ATP2B2: variants seen among roughly 807,000 people sequenced by gnomAD.
ATP2B2 encodes the protein ATPase plasma membrane Ca2+ transporting 2, also known as plasma membrane calcium-transporting ATPase 2.
In ATP2B2, 15 loss-of-function variants were observed where a neutral mutation model predicts 120.0. The observed-to-expected ratio is 0.12, with a 90% CI of 0.08 to 0.19. The LOEUF is 0.19. ATP2B2 is among the 10% of genes least tolerant of loss of function. The pLI, the probability that ATP2B2 is intolerant of heterozygous loss-of-function variation, is 1.00. For synonymous variants in ATP2B2, 694 were observed against 700.3 expected, an observed-to-expected ratio of 0.99 and a Z score of 0.14; for missense variants, 1,045 against 1,719.8, an observed-to-expected ratio of 0.61 and a Z score of 6.94.
chr3:10,586,601 G>C (rs952499145), intron 2 of ATP2B2, among the ~76,000 whole-genome samples: 6 of 152,182 alleles, frequency 3.9e-5, no homozygotes, highest in Non-Finnish European at 1.5e-5. Flanking sequence ...TTCCTCGAGA[G>C]AATCTTTGCT....
At chr3:10,384,854 C>T (rs911034201) in intron 8 of ATP2B2, among the ~76,000 whole-genome samples, 1 of 152,208 alleles carries the variant, frequency 6.6e-6, no homozygotes, top group African/African-American at 2.4e-5. Flanking sequence ...AGGACTAGAG[C>T]CTTTGCTGGG....
chr3:10,687,153 G>A (rs1340710882), intron 1 of ATP2B2, among the ~76,000 whole-genome samples: 1 of 152,206 alleles, frequency 6.6e-6, no homozygotes, highest in Non-Finnish European at 1.5e-5. Context: ...TTAAAGAGCA[G>A]GAGTTTGGGG....
intron 2 of ATP2B2, among the ~76,000 whole-genome samples, chr3:10,587,021 T>C (rs2068526115): frequency 6.6e-6 from 1 of 152,142 alleles, no homozygotes; most frequent in Non-Finnish European, 1.5e-5. Context: ...TATTGTGTTA[T>C]AAATATCATA....
At chr3:10,642,248 G>C (rs1045750533) in intron 1 of ATP2B2, among the ~76,000 whole-genome samples, 1 of 152,184 alleles carries the variant, frequency 6.6e-6, no homozygotes, top group African/African-American at 2.4e-5. Flanking sequence ...GTAGGGTTTC[G>C]AGGATTAGAA....
intron 1 of ATP2B2, among the ~76,000 whole-genome samples, chr3:10,459,999 C>G (rs1411220336): frequency 6.6e-6 from 1 of 152,242 alleles, no homozygotes; most frequent in Non-Finnish European, 1.5e-5. Flanking sequence ...CAGTGAGGCA[C>G]AGGGTTCTTC....
intron 1 of ATP2B2, among the ~76,000 whole-genome samples, chr3:10,471,424 GTGTGCA>G (rs1338873251): frequency 2.0e-5 from 3 of 151,914 alleles, no homozygotes; most frequent in Non-Finnish European, 2.9e-5. Flanking sequence ...GTGTGCGTGC[GTGTGCA>G]TGTGCAGATG....
intron 2 of ATP2B2, among the ~76,000 whole-genome samples, chr3:10,543,325 T>C (rs1303265138): frequency 6.6e-6 from 1 of 152,226 alleles, no homozygotes; most frequent in Non-Finnish European, 1.5e-5. Flanking sequence ...TTGTTGAGTT[T>C]GGGAGTGTAG....
Position 10,682,709 on chromosome 3 carries a change from AAC to A in ATP2B2, c.-460+25204_-460+25205del, listed in dbSNP as rs373511469. ...GGTCTAGGTGAATGGATCCAAGGCTAACACAAGAAACCCCCAAATCCTCCATA... is the reference window on the plus strand; with the variant it reads ...GGTCTAGGTGAATGGATCCAAGGCTAACAAGAAACCCCCAAATCCTCCATA... On this transcript the variant is annotated intron_variant, in intron 1 of 21. Transcript: ENST00000646379. 6.6e-5 allele frequency among the ~76,000 whole-genome samples: 10 copies of A among 152,304 alleles called. 1 individual carries two copies. Among genetic ancestry groups the A allele is most frequent in the African/African-American group, 2.4e-4 (10 of 41,564 alleles).
At chr3:10,460,290 C>T (rs2064433357) in intron 1 of ATP2B2, among the ~76,000 whole-genome samples, 1 of 152,166 alleles carries the variant, frequency 6.6e-6, no homozygotes, top group Admixed American at 6.5e-5. Flanking sequence ...CTGGGGAGGA[C>T]AAAGCTGGCA....
intron 2 of ATP2B2, among the ~76,000 whole-genome samples, chr3:10,577,025 C>T (rs549546713): frequency 1.6e-4 from 23 of 145,372 alleles, no homozygotes; most frequent in African/African-American, 6.1e-4. Context: ...GCACTCCAGC[C>T]TGGGTGACAG....
intron 2 of ATP2B2, among the ~76,000 whole-genome samples, chr3:10,587,287 A>G (rs542788264): frequency 5.6e-4 from 85 of 152,138 alleles, no homozygotes; most frequent in African/African-American, 2.0e-3. Context: ...CCTGGGTGAC[A>G]AAATGAGACC....
chr3:10,525,853 C>T (rs2067080407), intron 3 of ATP2B2, among the ~76,000 whole-genome samples: 1 of 152,114 alleles, frequency 6.6e-6, no homozygotes, highest in African/African-American at 2.4e-5. Context: ...CAATTTGCCA[C>T]AGTCCCCAGG....
At chr3:10,657,340 G>A (rs546528962) in intron 1 of ATP2B2, among the ~76,000 whole-genome samples, 13 of 152,282 alleles carry the variant, frequency 8.5e-5, no homozygotes, top group Non-Finnish European at 1.6e-4. Context: ...GCTTCCCTGA[G>A]CTACACAGGG....
chr3:10,578,312 A>C (rs1042090890), intron 2 of ATP2B2, among the ~76,000 whole-genome samples: 1 of 152,174 alleles, frequency 6.6e-6, no homozygotes, highest in East Asian at 1.9e-4. Context: ...CCCACTCCAC[A>C]TAAGAGAAAT....
rs900456579 is a variant in ATP2B2, at chr3:10,525,824, T to TA, written c.-320+8214dup. The stretch of plus-strand genomic sequence containing the variant: ...TCTACTATGTGTATCATGCCTCAAT[T>TA]AAAAAAAAAAAGGTTCTCCAATTTG... On this transcript the variant is annotated intron_variant, in intron 3 of 21. Coordinates refer to the ATP2B2 transcript ENST00000646379. Among the ~76,000 whole-genome samples the TA allele has an allele frequency of 1.1e-3, 163 of 145,952 alleles. 2 individuals carry two copies. The highest frequency in any genetic ancestry group is 3.5e-3 in the African/African-American group (139 of 40,018).
chr3:10,459,893 C>T (rs1172802040), intron 1 of ATP2B2, among the ~76,000 whole-genome samples: 1 of 152,210 alleles, frequency 6.6e-6, no homozygotes, highest in Non-Finnish European at 1.5e-5. Context: ...CAGGGCCAGC[C>T]CTCTCTCATA....
intron 1 of ATP2B2, among the ~76,000 whole-genome samples, chr3:10,684,955 G>A (rs1246063951): frequency 6.6e-6 from 1 of 152,214 alleles, no homozygotes; most frequent in Non-Finnish European, 1.5e-5. Context: ...AGGGGACAGG[G>A]ACAAACTAAG....
At chr3:10,416,774 T>C (rs1197717788) in intron 2 of ATP2B2, among the ~76,000 whole-genome samples, 1 of 152,054 alleles carries the variant, frequency 6.6e-6, no homozygotes, top group East Asian at 1.9e-4. Context: ...CTTTTTTTTT[T>C]TTTTAATTAG....
At chr3:10,700,727 C>T (rs2071804306) in intron 1 of ATP2B2, among the ~76,000 whole-genome samples, 1 of 152,226 alleles carries the variant, frequency 6.6e-6, no homozygotes, top group Non-Finnish European at 1.5e-5. Flanking sequence ...ACAAACATGA[C>T]CAGTGTGCCA....
Sources: allele counts gnomAD v4.1 joint callset (sites outside exome capture counted in the v4.1 genomes callset), GRCh38; gene constraint gnomAD v4.1.1; transcripts MANE v1.5; gene names NCBI Gene and HGNC (gene_info 2026-07-23, HGNC 2026-07-21).